CNTNAP2: variants seen among roughly 807,000 people sequenced by gnomAD.
CNTNAP2 encodes contactin-associated protein-like 2.
A neutral mutation model predicts 155.2 loss-of-function variants in CNTNAP2; 98 were observed. That is an observed-to-expected ratio of 0.63 (90% CI 0.54 to 0.75). CNTNAP2 has a LOEUF of 0.75. CNTNAP2 is among the 30% of genes least tolerant of loss of function. The pLI is 0.00. For missense variants in CNTNAP2, 1,727 were observed against 1,688.1 expected, an observed-to-expected ratio of 1.02 and a Z score of -0.40; for synonymous variants, 651 against 631.2, an observed-to-expected ratio of 1.03 and a Z score of -0.47.
rs150569542 is a variant in CNTNAP2, at chr7:147,674,630, G to A, written c.2098+35324G>A. Among the ~76,000 whole-genome samples the A allele has an allele frequency of 2.7e-3, 406 of 152,168 alleles. 4 individuals are homozygous for A. The highest frequency in any genetic ancestry group is 3.9e-3 in the Non-Finnish European group (267 of 67,972). ...TATCTGAGAAAACATATTTCACTTC[G>A]TTGTTTAAATGCAATAGAGATCAAG... is the stretch of plus-strand genomic sequence containing the variant. On this transcript the variant is annotated intron_variant, in intron 13 of 23. Transcript: ENST00000361727.
At chr7:148,007,125 G>A (rs933745541) in intron 15 of CNTNAP2, among the ~76,000 whole-genome samples, 6 of 152,162 alleles carry the variant, frequency 3.9e-5, no homozygotes, top group African/African-American at 4.8e-5. Context: ...TGTGCTTTAC[G>A]CATTTCATTA....
At chr7:146,557,244 G>A (rs1028367806) in intron 1 of CNTNAP2, among the ~76,000 whole-genome samples, 3 of 152,000 alleles carry the variant, frequency 2.0e-5, no homozygotes, top group Admixed American at 6.6e-5. Context: ...CTATGGAGAG[G>A]ATAAGACAGG....
chr7:146,312,249 G>A (rs1402987339), intron 1 of CNTNAP2, among the ~76,000 whole-genome samples: 1 of 152,146 alleles, frequency 6.6e-6, no homozygotes, highest in African/African-American at 2.4e-5. Context: ...ATAATAAGGA[G>A]ATTTTGAATG....
intron 13 of CNTNAP2, 64 bp downstream of exon 13, chr7:147,639,370 G>T: frequency 1.4e-6 from 2 of 1,457,618 alleles, no homozygotes; most frequent in South Asian, 2.4e-5. Context: ...ATTGCCTAAA[G>T]AATCCAACAG....
At chr7:148,031,645 C>G (rs1181361540) in intron 15 of CNTNAP2, among the ~76,000 whole-genome samples, 2 of 152,184 alleles carry the variant, frequency 1.3e-5, no homozygotes, top group African/African-American at 4.8e-5. Flanking sequence ...CCAGTAGATA[C>G]AGAAATGTTC....
At chr7:147,801,286 T>C (rs1213871718) in intron 13 of CNTNAP2, among the ~76,000 whole-genome samples, 2 of 151,458 alleles carry the variant, frequency 1.3e-5, no homozygotes, top group Non-Finnish European at 2.9e-5. Flanking sequence ...AATAGGTATG[T>C]AGTCTTTGGC....
chr7:147,197,426 C>T (rs1261090920), intron 8 of CNTNAP2, among the ~76,000 whole-genome samples: 3 of 150,914 alleles, frequency 2.0e-5, no homozygotes, highest in Non-Finnish European at 4.4e-5. Flanking sequence ...TTTCGTCCAG[C>T]TCTTTGTTCA....
chr7:147,726,063 A>G (rs374053456), intron 13 of CNTNAP2, among the ~76,000 whole-genome samples: 2 of 152,150 alleles, frequency 1.3e-5, no homozygotes, highest in Admixed American at 6.6e-5. Flanking sequence ...AAAATAATCA[A>G]CAGTATGGCG....
At chr7:147,506,676 G>A (rs533658082) in intron 11 of CNTNAP2, among the ~76,000 whole-genome samples, 4 of 152,328 alleles carry the variant, frequency 2.6e-5, no homozygotes, top group South Asian at 4.1e-4. Context: ...TAGTTGCCCG[G>A]AAGGTGTGAC....
At chr7:147,791,390 G>T (rs1222161710) in intron 13 of CNTNAP2, among the ~76,000 whole-genome samples, 3 of 148,664 alleles carry the variant, frequency 2.0e-5, no homozygotes, top group Non-Finnish European at 4.4e-5. Context: ...TATCTGATTT[G>T]TCATACCTCT....
At chr7:147,584,780 T>G (rs1002914237) in intron 12 of CNTNAP2, among the ~76,000 whole-genome samples, 7 of 152,224 alleles carry the variant, frequency 4.6e-5, no homozygotes, top group Non-Finnish European at 1.0e-4. Flanking sequence ...CAGCTCTGTT[T>G]TGAAGAGGCT....
intron 14 of CNTNAP2, among the ~76,000 whole-genome samples, chr7:147,947,732 G>T (rs1036304273): frequency 6.6e-6 from 1 of 152,108 alleles, no homozygotes; most frequent in Non-Finnish European, 1.5e-5. Flanking sequence ...GAGAGACCTT[G>T]GTTCTGAGGC....
At chr7:146,934,289 T>C (rs1796858380) in intron 3 of CNTNAP2, among the ~76,000 whole-genome samples, 1 of 152,038 alleles carries the variant, frequency 6.6e-6, no homozygotes, top group African/African-American at 2.4e-5. Flanking sequence ...ATGTCCTTTG[T>C]AGGGACATGG....
At chr7:146,421,369 G>A (rs1796009918) in intron 1 of CNTNAP2, among the ~76,000 whole-genome samples, 1 of 151,814 alleles carries the variant, frequency 6.6e-6, no homozygotes, top group Non-Finnish European at 1.5e-5. Context: ...AATGTCCCTG[G>A]CTCTTGCTTA....
intron 3 of CNTNAP2, among the ~76,000 whole-genome samples, chr7:146,883,762 A>C (rs1196901656): frequency 6.6e-6 from 1 of 152,144 alleles, no homozygotes; most frequent in Non-Finnish European, 1.5e-5. Context: ...TGATCAAAAC[A>C]CTATTTTAGT....
At chr7:146,908,103 A>C (rs1327767190) in intron 3 of CNTNAP2, among the ~76,000 whole-genome samples, 4 of 152,156 alleles carry the variant, frequency 2.6e-5, no homozygotes, top group Admixed American at 2.6e-4. Context: ...AGAGCTAACT[A>C]TCCTAAATAT....
At chr7:147,704,085 G>A (rs1796275369) in intron 13 of CNTNAP2, among the ~76,000 whole-genome samples, 1 of 152,118 alleles carries the variant, frequency 6.6e-6, no homozygotes, top group Non-Finnish European at 1.5e-5. Context: ...AGTAATTGCG[G>A]TTTTTGCAAT....
intron 1 of CNTNAP2, among the ~76,000 whole-genome samples, chr7:146,743,772 C>T (rs77568083): frequency 0.018 from 2,763 of 152,208 alleles, 35 homozygotes; most frequent in Middle Eastern, 0.027. Flanking sequence ...TCCAAGACAG[C>T]CAAACCCTCT....
chr7:146,121,274 G>A (rs1463598473), intron 1 of CNTNAP2, among the ~76,000 whole-genome samples: 2 of 151,412 alleles, frequency 1.3e-5, no homozygotes, highest in African/African-American at 2.4e-5. Context: ...GACTACAGGC[G>A]CCCACCACCA....
Sources: gnomAD v4.1 joint callset for allele counts (sites outside exome capture counted in the v4.1 genomes callset) on GRCh38, gnomAD v4.1.1 for gene constraint, MANE v1.5 for transcripts, NCBI Gene and HGNC (gene_info 2026-07-23, HGNC 2026-07-21) for gene names.